The following PEX14 variants were observed in gnomAD, a reference collection of about 807,000 sequenced individuals.
The protein encoded by PEX14 is peroxisomal biogenesis factor 14.
A neutral mutation model predicts 49.5 loss-of-function variants in PEX14; 15 were observed. That is an observed-to-expected ratio of 0.30 (90% CI 0.20 to 0.47). The LOEUF (loss-of-function observed/expected upper bound fraction) is 0.47. Ranked by LOEUF, PEX14 falls within the 20% of genes least tolerant of loss-of-function variation. PEX14 has a pLI of 1.00. For missense variants in PEX14, 398 were observed against 494.8 expected (o/e 0.80, Z 1.86); for synonymous variants, 210 against 212.7 (o/e 0.99, Z 0.11).
chr1:10,500,377 A>G (rs1274500510), intron 2 of PEX14, among the ~76,000 whole-genome samples: 5 of 132,832 alleles, frequency 3.8e-5, no homozygotes, highest in Admixed American at 2.1e-4. Context: ...CTGTCTCAAA[A>G]AAAAAAAAAA....
At chr1:10,586,779 A>G (rs1388398817) in intron 3 of PEX14, among the ~76,000 whole-genome samples, 1 of 151,842 alleles carries the variant, frequency 6.6e-6, no homozygotes, top group Non-Finnish European at 1.5e-5. Context: ...AGCTGGGACT[A>G]CAGGTGCCCA....
intron 2 of PEX14, among the ~76,000 whole-genome samples, chr1:10,519,874 G>A (rs777281158): frequency 6.6e-6 from 1 of 152,162 alleles, no homozygotes; most frequent in South Asian, 2.1e-4. Flanking sequence ...CCTTCCGGCC[G>A]AAGTGATCCT....
At chr1:10,604,293 AC>A (rs1402846802) in intron 4 of PEX14, among the ~76,000 whole-genome samples, 1 of 152,190 alleles carries the variant, frequency 6.6e-6, no homozygotes, top group Non-Finnish European at 1.5e-5. Context: ...TTCCAGGCTA[AC>A]ACAAAAGCAT....
At chr1:10,531,872 C>T (rs1372028215) in intron 2 of PEX14, among the ~76,000 whole-genome samples, 1 of 152,094 alleles carries the variant, frequency 6.6e-6, no homozygotes, top group African/African-American at 2.4e-5. Context: ...CTCCTGTCCC[C>T]CTCGTGCAGA....
In PEX14 at chr1:10,618,437, T is replaced by G. The variant is rs373204498; in HGVS notation, c.384+20T>G. 118 of 1,584,366 alleles carry G rather than the reference T, an allele frequency of 7.4e-5. No homozygotes were observed. The highest frequency in any genetic ancestry group is 1.0e-4 in the Non-Finnish European group (117 of 1,154,708). ...TACAAGGTGAGTCACCCCCAGCGGCTGCAGGTGCTGTGCCCCTGCCACCCT... is the reference window on the plus strand; with the variant it reads ...TACAAGGTGAGTCACCCCCAGCGGCGGCAGGTGCTGTGCCCCTGCCACCCT... On this transcript the variant is annotated intron_variant, in intron 5 of 8. Coordinates refer to ENST00000356607, the MANE Select transcript of PEX14 (RefSeq NM_004565.3).
At chr1:10,607,524 A>G (rs1441831979) in intron 4 of PEX14, among the ~76,000 whole-genome samples, 2 of 152,172 alleles carry the variant, frequency 1.3e-5, no homozygotes, top group Non-Finnish European at 1.5e-5. Context: ...TGAGAGTTCT[A>G]GTTGCTACAT....
chr1:10,510,488 G>A (rs1641863184), intron 2 of PEX14, among the ~76,000 whole-genome samples: 1 of 152,166 alleles, frequency 6.6e-6, no homozygotes, highest in Non-Finnish European at 1.5e-5. Flanking sequence ...GCTCTGGCAT[G>A]GAGAAGGAAA....
intron 3 of PEX14, among the ~76,000 whole-genome samples, chr1:10,542,378 G>A (rs987260184): frequency 6.6e-6 from 1 of 152,138 alleles, no homozygotes; most frequent in Non-Finnish European, 1.5e-5. Context: ...GTTATATCTC[G>A]GCAGTCATTC....
intron 5 of PEX14, among the ~76,000 whole-genome samples, chr1:10,622,794 T>C (rs1459088140): frequency 6.6e-6 from 1 of 152,254 alleles, no homozygotes; most frequent in Non-Finnish European, 1.5e-5. Context: ...TGACTCTCCC[T>C]GTCCACGTTC....
intron 1 of PEX14, among the ~76,000 whole-genome samples, chr1:10,488,225 C>T (rs1641405857): frequency 6.6e-6 from 1 of 152,134 alleles, no homozygotes; most frequent in Non-Finnish European, 1.5e-5. Flanking sequence ...TCAGCTATCA[C>T]TGCTCTCTAC....
Position 10,629,583 on chromosome 1 carries a change from C to T in PEX14, c.730C>T (p.Pro244Ser). The T allele has an allele frequency of 6.2e-7, 1 of 1,614,032 alleles. No individual in the cohort carries two copies. Among genetic ancestry groups the T allele is most frequent in the Non-Finnish European group, 8.5e-7 (1 of 1,179,996 alleles). The stretch of plus-strand genomic sequence containing the variant: ...CCCGAAGATCCCCTCCTGGCAGATC[C>T]CAGTCAAGTCACCGTCACCCTCCAG... ...SAPKIPSWQIPVKSPSPSSPA... is the reference protein window; with the variant it reads ...SAPKIPSWQISVKSPSPSSPA... The change falls in exon 9 of 9, where the codon CCA becomes TCA. Residue 244 changes from proline (P) to serine (S), a missense_variant. Around this residue, in one of 3 missense-constraint regions of PEX14, gnomAD observed 202 missense variants for 298.5 expected, o/e 0.68. Transcript: ENST00000356607. This position sits in a 1 kb window ranked among gnomAD's most constrained non-coding sequence, Gnocchi z 8.5.
chr1:10,549,201 C>T (rs1220959282), intron 3 of PEX14, among the ~76,000 whole-genome samples: 1 of 151,958 alleles, frequency 6.6e-6, no homozygotes, highest in Non-Finnish European at 1.5e-5. Context: ...TTCAATGAAA[C>T]TGAAAGTGCA....
intron 1 of PEX14, among the ~76,000 whole-genome samples, chr1:10,488,911 T>C (rs1397599750): frequency 1.3e-5 from 2 of 152,248 alleles, no homozygotes; most frequent in African/African-American, 2.4e-5. Flanking sequence ...CTACTAGTTA[T>C]ATCGTCTGGT....
At chr1:10,535,858 A>G (rs1429380936) in intron 2 of PEX14, 2 of 359,288 alleles carry the variant, frequency 5.6e-6, no homozygotes, top group African/African-American at 4.3e-5. Context: ...GCCTTCCAGA[A>G]AGACAGCATA....
intron 3 of PEX14, among the ~76,000 whole-genome samples, chr1:10,543,339 T>A (rs1223367062): frequency 6.6e-6 from 1 of 152,160 alleles, no homozygotes. Context: ...TTTTACCATC[T>A]TGGCCAGGCT....
chr1:10,489,218 T>G (rs969169029), intron 1 of PEX14, among the ~76,000 whole-genome samples: 20 of 151,942 alleles, frequency 1.3e-4, no homozygotes, highest in African/African-American at 4.8e-4. Flanking sequence ...TGACCTCAGG[T>G]GATCCGCCCG....
rs1023003198 is a variant in PEX14 at position 10,512,992 on chromosome 1, C to T, written c.84+17671C>T. Among the ~76,000 whole-genome samples, 18 of 152,224 alleles carry T rather than the reference C, an allele frequency of 1.2e-4. No individual in the cohort carries two copies. The highest frequency in any genetic ancestry group is 3.4e-4 in the African/African-American group (14 of 41,448). On this transcript the variant is annotated intron_variant, in intron 2 of 8. Coordinates refer to ENST00000356607, the MANE Select transcript of PEX14 (RefSeq NM_004565.3). The surrounding 1 kb of genome is among the most constrained non-coding windows in gnomAD (Gnocchi z 4.6). Reference sequence around the variant, plus strand: ...GATTACAGGCGTAGGCCACCGTGCCCGGCCCTTTTCCTTCTTTTATAAAAG... The same window carrying T: ...GATTACAGGCGTAGGCCACCGTGCCTGGCCCTTTTCCTTCTTTTATAAAAG...
At chr1:10,528,642 T>C (rs1293404903) in intron 2 of PEX14, among the ~76,000 whole-genome samples, 3 of 152,184 alleles carry the variant, frequency 2.0e-5, no homozygotes, top group Non-Finnish European at 2.9e-5. Context: ...GCTTCCTCTT[T>C]AACAGTGCAG....
At chr1:10,480,204 T>C (rs1036340590) in intron 1 of PEX14, among the ~76,000 whole-genome samples, 1 of 151,378 alleles carries the variant, frequency 6.6e-6, no homozygotes, top group African/African-American at 2.4e-5. Context: ...CTCAATGTTT[T>C]TTTTTTTTGT....
Sources: gnomAD v4.1 joint callset for allele counts (sites outside exome capture counted in the v4.1 genomes callset) on GRCh38, gnomAD v4.1.1 for gene constraint, gnomAD v4.1.1 regional missense constraint, Gnocchi (gnomAD v3.1) non-coding constraint, MANE v1.5 for transcripts, NCBI Gene and HGNC (gene_info 2026-07-23, HGNC 2026-07-21) for gene names.